COL4A1: variants seen among roughly 807,000 people sequenced by gnomAD.
COL4A1 encodes the protein collagen alpha-1(IV) chain.
COL4A1 carries 40 observed loss-of-function variants against 216.6 expected under a neutral mutation model. That is an observed-to-expected ratio of 0.18 (90% CI 0.14 to 0.24). The LOEUF (loss-of-function observed/expected upper bound fraction) is 0.24, where lower values mean the gene tolerates loss of function less well. Among genes scored for constraint, COL4A1 ranks in the 10% least tolerant of loss-of-function variants. The probability of loss-of-function intolerance (pLI) is 1.00; values close to 1 mark genes in which losing one functional copy is unlikely to be tolerated. For missense variants in COL4A1, 1,628 were observed against 2,196.8 expected (o/e 0.74, Z 5.18); for synonymous variants, 839 against 810.7 (o/e 1.03, Z -0.59).
At chr13:110,212,747 C>A in intron 4 of COL4A1, 129 bp from the exon 5 acceptor site, 2 of 1,072,464 alleles carry the variant, frequency 1.9e-6, no homozygotes, top group Non-Finnish European at 1.4e-6. Context: ...GCAGACAGAG[C>A]ACTCTGCACA....
At chr13:110,161,395 G>A in intron 48 of COL4A1, 26 bp from the exon 49 acceptor site, 1 of 1,585,554 alleles carries the variant, frequency 6.3e-7, no homozygotes, top group Non-Finnish European at 8.6e-7. Flanking sequence ...GACAATGTGA[G>A]ATGTTTCCTT....
At chr13:110,291,752 G>A (rs962254487) in intron 1 of COL4A1, among the ~76,000 whole-genome samples, 1 of 152,206 alleles carries the variant, frequency 6.6e-6, no homozygotes, top group African/African-American at 2.4e-5. Flanking sequence ...CTCTTCAAGA[G>A]CTCTGAGCTG....
intron 26 of COL4A1, among the ~76,000 whole-genome samples, chr13:110,185,854 A>G (rs566073222): frequency 2.4e-4 from 36 of 152,300 alleles, no homozygotes; most frequent in South Asian, 4.1e-4. Context: ...TGTGGTTTTG[A>G]CCATGTGTTG....
intron 50 of COL4A1, among the ~76,000 whole-genome samples, chr13:110,154,590 CAT>C (rs1876675641): frequency 6.6e-6 from 1 of 152,260 alleles, no homozygotes; most frequent in Non-Finnish European, 1.5e-5. Context: ...AGAGGCTGGT[CAT>C]ATAGAGAAGT....
At chr13:110,202,776 C>G (rs1211227109) in intron 18 of COL4A1, among the ~76,000 whole-genome samples, 4 of 152,204 alleles carry the variant, frequency 2.6e-5, no homozygotes, top group African/African-American at 4.8e-5. Context: ...TCACACACAT[C>G]ACTGACAAGT....
At chr13:110,176,599 A>G (rs548045034) in intron 35 of COL4A1, 27 bp downstream of exon 35, 22 of 1,607,146 alleles carry the variant, frequency 1.4e-5, no homozygotes, top group Admixed American at 3.3e-5. Context: ...CCCTTGCCAC[A>G]CTGGGGACCG....
At position 110,170,605 on chromosome 13, in the gene COL4A1, G is replaced by A. The variant is rs1457928391; in HGVS notation, c.3684C>T (p.Gly1228=). Residue 1228 remains glycine (G), a synonymous_variant, in exon 42 of 52, where the codon GGC becomes GGT. Transcript: ENST00000375820. ...QGQPGLPGSP[G]HATEGPKGDR... The stretch of plus-strand genomic sequence containing the variant: ...CTCCTTTGGGCCCCTCCGTGGCATG[G>A]CCTGGGGATCCCGGTAACCCCGGCT... 3.7e-6 allele frequency: 6 copies of A among 1,611,518 alleles called. No homozygotes were observed. The Admixed American group carries it at 6.7e-5, about 18-fold the overall frequency.
rs747310700 is a variant in COL4A1, at chr13:110,176,687, T to C, written c.2907A>G (p.Gly969=). 2.5e-6 allele frequency: 4 copies of C among 1,614,194 alleles called. No individual in the cohort carries two copies. The highest frequency in any genetic ancestry group is 3.4e-6 in the Non-Finnish European group (4 of 1,180,026). ...CAGGCACTCCTGGGGTCCCAGGGTCTCCTCGGGATCCCTTCTCACCAATTG... is the reference window on the plus strand; with the variant it reads ...CAGGCACTCCTGGGGTCCCAGGGTCCCCTCGGGATCCCTTCTCACCAATTG... ...IGPIGEKGSR[G]DPGTPGVPGK... is the part of the protein sequence containing the mutation. The change falls in exon 35 of 52, where the codon GGA becomes GGG. Residue 969 remains glycine (G), a synonymous_variant. Coordinates refer to ENST00000375820, the MANE Select transcript of COL4A1 (RefSeq NM_001845.6).
intron 1 of COL4A1, among the ~76,000 whole-genome samples, chr13:110,250,745 C>G (rs1248266348): frequency 6.6e-6 from 1 of 152,168 alleles, no homozygotes; most frequent in Admixed American, 6.5e-5. Flanking sequence ...GAGGCATGAC[C>G]TGGGGCGAGC....
intron 1 of COL4A1, among the ~76,000 whole-genome samples, chr13:110,304,824 G>A (rs1322207429): frequency 6.6e-6 from 1 of 152,258 alleles, no homozygotes; most frequent in Non-Finnish European, 1.5e-5. Flanking sequence ...AAATGCAGGT[G>A]AAGTGTGATT....
chr13:110,156,607 A>C (rs1028441469), intron 49 of COL4A1, among the ~76,000 whole-genome samples: 20 of 152,180 alleles, frequency 1.3e-4, no homozygotes, highest in African/African-American at 4.8e-4. Flanking sequence ...AACACATTAA[A>C]ACAGCACAGT....
chr13:110,179,008 G>T lies in COL4A1; in HGVS notation c.2373C>A (p.Gly791=). ...RGEPGPPGLP[G]SVGSPGVPGI... The stretch of plus-strand genomic sequence containing the variant: ...CTGGAACTCCTGGAGACCCCACGGA[G>T]CCTGGCAATCCAGGAGGTCCCGGTT... The change falls in exon 31 of 52, where the codon GGC becomes GGA. Residue 791 remains glycine, a synonymous_variant. Transcript: ENST00000375820. 1 of 1,611,646 alleles carries T rather than the reference G, an allele frequency of 6.2e-7. No homozygotes were observed. The highest frequency in any genetic ancestry group is 8.5e-7 in the Non-Finnish European group (1 of 1,179,324).
At chr13:110,152,240 A>ATGCTAACCAG in intron 51 of COL4A1, 94 bp downstream of exon 51, 1 of 1,559,860 alleles carries the variant, frequency 6.4e-7, no homozygotes, top group Admixed American at 1.8e-5. Context: ...CATCTTTGAG[A>ATGCTAACCAG]CTTTGCATTG....
chr13:110,152,459 G>A lies in COL4A1; in HGVS notation c.4803C>T (p.Pro1601=), dbSNP rs190097900. The change falls in exon 51 of 52, where the codon CCC becomes CCT. Residue 1601 remains proline (P), a synonymous_variant. Coordinates refer to ENST00000375820, the MANE Select transcript of COL4A1 (RefSeq NM_001845.6). ...TTCTAAACTCCTCCAGGCAGGAGCC[G>A]GGGGACGCCAGGGCTTGGCCAGAGC... ...AEGSGQALAS[P]GSCLEEFRSA... 24 of 1,613,774 alleles carry A rather than the reference G, an allele frequency of 1.5e-5. No individual in the cohort carries two copies. Among genetic ancestry groups the A allele is most frequent in the Admixed American group, 6.7e-5 (4 of 59,996 alleles).
chr13:110,277,427 A>C (rs1883471736), intron 1 of COL4A1, among the ~76,000 whole-genome samples: 1 of 152,182 alleles, frequency 6.6e-6, no homozygotes, highest in Non-Finnish European at 1.5e-5. Context: ...AAGGTTTTTA[A>C]GCTAATTAAT....
chr13:110,253,930 GAGA>G (rs1012015272), intron 1 of COL4A1, among the ~76,000 whole-genome samples: 49 of 151,822 alleles, frequency 3.2e-4, no homozygotes, highest in Non-Finnish European at 5.7e-4. Flanking sequence ...ATTGGAGTAG[GAGA>G]AGGTTTGTAA....
At chr13:110,157,771 C>T (rs1876854762) in intron 49 of COL4A1, among the ~76,000 whole-genome samples, 1 of 152,206 alleles carries the variant, frequency 6.6e-6, no homozygotes, top group South Asian at 2.1e-4. Context: ...GCTTTAGAAG[C>T]TCATCTCAGG....
intron 48 of COL4A1, 72 bp downstream of exon 48, chr13:110,162,158 G>T: frequency 7.4e-7 from 1 of 1,357,400 alleles, no homozygotes; most frequent in Admixed American, 1.7e-5. Flanking sequence ...GCAGAGGCGA[G>T]TCCAGCACTG....
chr13:110,276,016 A>C (rs1883413427), intron 1 of COL4A1, among the ~76,000 whole-genome samples: 1 of 151,466 alleles, frequency 6.6e-6, no homozygotes, highest in Non-Finnish European at 1.5e-5. Flanking sequence ...GTCCAAATGC[A>C]TACAAAGTAC....
Sources: gnomAD v4.1 joint callset for allele counts (sites outside exome capture counted in the v4.1 genomes callset) on GRCh38, gnomAD v4.1.1 for gene constraint, MANE v1.5 for transcripts, NCBI Gene and HGNC (gene_info 2026-07-23, HGNC 2026-07-21) for gene names.